COPB1: variants seen among roughly 807,000 people sequenced by gnomAD.
COPB1 encodes coatomer subunit beta.
Under a neutral mutation model 108.7 loss-of-function variants are expected in COPB1, and 21 were observed. The observed-to-expected ratio is 0.19, with a 90% CI of 0.14 to 0.28. The LOEUF is 0.28. Among genes scored for constraint, COPB1 ranks in the 10% least tolerant of loss-of-function variants. The pLI is 1.00. For synonymous variants in COPB1, 378 were observed against 386.8 expected (o/e 0.98, Z 0.27); for missense variants, 919 against 1,141.3 (o/e 0.81, Z 2.81).
chr11:14,459,310 T>C (rs560423829), intron 20 of COPB1, among the ~76,000 whole-genome samples: 1 of 152,352 alleles, frequency 6.6e-6, no homozygotes, highest in African/African-American at 2.4e-5. Context: ...AAGAGACTAC[T>C]TTTGTTGGAC....
chr11:14,463,589 G>A (rs1354200242), intron 18 of COPB1, among the ~76,000 whole-genome samples: 1 of 152,154 alleles, frequency 6.6e-6, no homozygotes, highest in Non-Finnish European at 1.5e-5. Context: ...CAAAGTGCTG[G>A]AATTACAGGT....
intron 6 of COPB1, among the ~76,000 whole-genome samples, chr11:14,487,657 AGAGT>A (rs1850804138): frequency 6.6e-6 from 1 of 151,998 alleles, no homozygotes; most frequent in Non-Finnish European, 1.5e-5. Flanking sequence ...CCTGGGCAAT[AGAGT>A]GAGACTCTGC....
In COPB1 at chr11:14,480,971, T is replaced by C. The variant is rs1850648068; in HGVS notation, c.1065+19A>G. The C allele has an allele frequency of 6.2e-7, 1 of 1,612,664 alleles. No individual in the cohort carries two copies. The highest frequency in any genetic ancestry group is 8.5e-7 in the Non-Finnish European group (1 of 1,178,906). ...TTTGGGCCTGATAGCTACAAAGTGC[T>C]GTCAGAGTTTCCTTTTACCTCTTCA... is the stretch of plus-strand genomic sequence containing the variant. On this transcript the variant is annotated intron_variant, in intron 9 of 21. Transcript: ENST00000439561.
In COPB1 at chr11:14,483,170, A is replaced by T; in HGVS notation, c.838-19T>A. The T allele has an allele frequency of 6.6e-7, 1 of 1,513,620 alleles. No homozygotes were observed. Among genetic ancestry groups the T allele is most frequent in the Non-Finnish European group, 8.9e-7 (1 of 1,118,886 alleles). The allele number at this position is 1,513,620 out of a possible 1,614,324, so 93.8% of individuals were successfully genotyped here. On this transcript the variant is annotated intron_variant, in intron 7 of 21. Transcript: ENST00000439561. ...CAGCAGCCTATATAAAAAAAGAAAT[A>T]CATTTTAAGAAGTTATTCATCTATC...
intron 18 of COPB1, 80 bp downstream of exon 18, chr11:14,464,831 T>C: frequency 6.8e-7 from 1 of 1,466,420 alleles, no homozygotes; most frequent in Non-Finnish European, 9.3e-7. Flanking sequence ...CCTCTCCTCA[T>C]ACAATGTCCC....
At chr11:14,464,152 G>A (rs995434012) in intron 18 of COPB1, among the ~76,000 whole-genome samples, 1 of 152,020 alleles carries the variant, frequency 6.6e-6, no homozygotes, top group Non-Finnish European at 1.5e-5. Flanking sequence ...AACTCCAAGT[G>A]TATCAAATCA....
At chr11:14,472,355 A>G (rs1409270186) in intron 14 of COPB1, among the ~76,000 whole-genome samples, 5 of 152,206 alleles carry the variant, frequency 3.3e-5, no homozygotes, top group Non-Finnish European at 5.9e-5. Context: ...GTGAGCTTAA[A>G]ATACTTAGTA....
At chr11:14,494,640 T>C in intron 2 of COPB1, 2 of 496,426 alleles carry the variant, frequency 4.0e-6, no homozygotes, top group South Asian at 3.1e-5. Context: ...CATTTATCTC[T>C]GGAAATCAGA....
In COPB1 at chr11:14,465,038, A is replaced by G; in HGVS notation, c.2291-8T>C. The G allele has an allele frequency of 6.2e-7, 1 of 1,608,478 alleles. No individual in the cohort carries two copies. The highest frequency in any genetic ancestry group is 8.5e-7 in the Non-Finnish European group (1 of 1,178,370). ...CCACAAGTTTCAGATCCCCTGAAAG[A>G]AAGAGTTTGGATATGGTTAAAAATA... On this transcript the variant is annotated splice_polypyrimidine_tract_variant and splice_region_variant and intron_variant, in intron 17 of 21. Coordinates refer to ENST00000439561, the MANE Select transcript of COPB1 (RefSeq NM_001144061.2).
In COPB1 at chr11:14,479,721, G is replaced by GAAAAAAAAAAAAA; in HGVS notation, c.1213-20_1213-8dup. 1 of 1,171,906 alleles carries GAAAAAAAAAAAAA rather than the reference G, an allele frequency of 8.5e-7. No individual in the cohort carries two copies. 72.6% of individuals were successfully genotyped at this position (1,171,906 alleles called of 1,614,324 possible). The stretch of plus-strand genomic sequence containing the variant: ...CACTGAGAAATTCCATTAACTAAAA[G>GAAAAAAAAAAAAA]AAAAAAAAAAAAAAGAAAATGGAAC... On this transcript the variant is annotated splice_region_variant and splice_polypyrimidine_tract_variant and intron_variant, in intron 10 of 21. Coordinates refer to ENST00000439561, the MANE Select transcript of COPB1 (RefSeq NM_001144061.2).
intron 20 of COPB1, among the ~76,000 whole-genome samples, chr11:14,459,243 T>TG: frequency 1.1e-5 from 1 of 94,966 alleles, no homozygotes; most frequent in South Asian, 3.5e-4. Flanking sequence ...ATTTATATAT[T>TG]CTGTTTACTT....
intron 18 of COPB1, among the ~76,000 whole-genome samples, chr11:14,463,519 T>C (rs1373719033): frequency 6.6e-6 from 1 of 152,174 alleles, no homozygotes; most frequent in Admixed American, 6.5e-5. Context: ...GATTTCGCTA[T>C]GTTGGCCAGG....
intron 16 of COPB1, among the ~76,000 whole-genome samples, chr11:14,467,830 T>C (rs1371554442): frequency 6.6e-6 from 1 of 152,140 alleles, no homozygotes; most frequent in Non-Finnish European, 1.5e-5. Context: ...GTGAGGTACT[T>C]AAAATAGTCA....
At chr11:14,460,613 T>C (rs1315740552) in intron 19 of COPB1, among the ~76,000 whole-genome samples, 2 of 152,014 alleles carry the variant, frequency 1.3e-5, no homozygotes, top group African/African-American at 4.8e-5. Context: ...ACCTCCCATG[T>C]TCAAGTGATC....
At chr11:14,477,896 CAA>C (rs1289045044) in intron 11 of COPB1, among the ~76,000 whole-genome samples, 13 of 59,914 alleles carry the variant, frequency 2.2e-4, no homozygotes, top group Admixed American at 3.9e-4. Context: ...GACTCCATCT[CAA>C]AAAAAAAAAA....
chr11:14,496,099 A>G (rs1851011209), intron 2 of COPB1, among the ~76,000 whole-genome samples: 1 of 152,188 alleles, frequency 6.6e-6, no homozygotes, highest in Non-Finnish European at 1.5e-5. Context: ...TAAAATATTA[A>G]GTTTCTTTTC....
chr11:14,498,688 G>A (rs1851081278), intron 2 of COPB1, 150 bp downstream of exon 2: 5 of 560,582 alleles, frequency 8.9e-6, no homozygotes, highest in Middle Eastern at 4.9e-4. Flanking sequence ...AAAGAAGTTC[G>A]CATTTTTAAT....
chr11:14,475,124 ACTTAT>A (rs1467073103), intron 13 of COPB1, among the ~76,000 whole-genome samples: 1 of 144,306 alleles, frequency 6.9e-6, no homozygotes, highest in Non-Finnish European at 1.5e-5. Flanking sequence ...AAAAAAGAAA[ACTTAT>A]CTTTGAATGA....
rs542838932 is a variant in COPB1, at chr11:14,458,354, G to C, written c.2802+178C>G. Among the ~76,000 whole-genome samples the C allele has an allele frequency of 5.3e-5, 8 of 151,960 alleles. No individual in the cohort carries two copies. The East Asian group carries it at 1.5e-3, about 29-fold the overall frequency. On this transcript the variant is annotated intron_variant, in intron 21 of 21. Transcript: ENST00000439561. ...TTTAGGCAAATATCCCAGAATGAGG[G>C]GCCCAAAAGGTGAGAAATTTTAATG...
Sources: gnomAD v4.1 joint callset for allele counts (sites outside exome capture counted in the v4.1 genomes callset) on GRCh38, gnomAD v4.1.1 for gene constraint, MANE v1.5 for transcripts, NCBI Gene and HGNC (gene_info 2026-07-23, HGNC 2026-07-21) for gene names.